The following SSTR2 variants were observed in gnomAD, a reference collection of about 807,000 sequenced individuals.
SSTR2 encodes somatostatin receptor type 2.
A neutral mutation model predicts 21.4 loss-of-function variants in SSTR2; 10 were observed. The observed-to-expected ratio is 0.47, with a 90% CI of 0.29 to 0.79. The LOEUF is 0.79. SSTR2 is among the 30% of genes least tolerant of loss of function. The probability of loss-of-function intolerance (pLI) is 0.10; values close to 1 mark genes in which losing one functional copy is unlikely to be tolerated. For synonymous variants in SSTR2, 177 were observed against 181.3 expected, an observed-to-expected ratio of 0.98 and a Z score of 0.19; for missense variants, 364 against 468.8, an observed-to-expected ratio of 0.78 and a Z score of 2.06.
chr17:73,169,174 T>G lies in SSTR2; in HGVS notation c.-92-54T>G. 4.7e-5 allele frequency: 44 copies of G among 927,878 alleles called. No homozygotes were observed. The highest frequency in any genetic ancestry group is 3.5e-4 in the Middle Eastern group (1 of 2,896). The allele number at this position is 927,878 out of a possible 1,614,324, so 57.5% of individuals were successfully genotyped here. A position where few individuals can be genotyped will look rare whatever the true frequency, so the allele number is the denominator to read the frequency against. On this transcript the variant is annotated intron_variant, in intron 1 of 1. Coordinates refer to ENST00000357585, the MANE Select transcript of SSTR2 (RefSeq NM_001050.3). This position sits in a 1 kb window ranked among gnomAD's most constrained non-coding sequence, Gnocchi z 5.2. The stretch of plus-strand genomic sequence containing the variant: ...CTAAACCAGAAATGTGTAAATTTGG[T>G]GAGACTTTAAACAGCCTGTGACCGA...
chr17:73,168,318 T>A (rs1473677672), intron 1 of SSTR2, among the ~76,000 whole-genome samples: 1 of 152,256 alleles, frequency 6.6e-6, no homozygotes, highest in Admixed American at 6.5e-5. Context: ...CTTCCCGTTT[T>A]TGTCCGTAAT....
At position 73,169,395 on chromosome 17, in the gene SSTR2, G is replaced by A; in HGVS notation, c.76G>A (p.Val26Met). Residue 26 changes from valine (V) to methionine (M), a missense_variant, in exon 2 of 2, where the codon GTG becomes ATG. Transcript: ENST00000357585. The surrounding 1 kb of genome is among the most constrained non-coding windows in gnomAD (Gnocchi z 5.2). Reference protein sequence around the residue: ...SIPFDLNGSVVSTNTSNQTEP... With the variant: ...SIPFDLNGSVMSTNTSNQTEP... ...TCCATTTGACCTCAATGGCTCTGTG[G>A]TGTCAACCAACACCTCAAACCAGAC... The A allele has an allele frequency of 1.2e-6, 2 of 1,614,224 alleles. No individual in the cohort carries two copies. Among genetic ancestry groups the A allele is most frequent in the African/African-American group, 1.3e-5 (1 of 75,068 alleles).
At chr17:73,167,563 C>G (rs2061220309) in intron 1 of SSTR2, among the ~76,000 whole-genome samples, 1 of 152,216 alleles carries the variant, frequency 6.6e-6, no homozygotes, top group African/African-American at 2.4e-5. Flanking sequence ...AACACACCAC[C>G]CTTTGAACAT....
intron 1 of SSTR2, among the ~76,000 whole-genome samples, chr17:73,167,572 A>G (rs534886108): frequency 6.6e-6 from 1 of 152,322 alleles, no homozygotes; most frequent in African/African-American, 2.4e-5. Context: ...CCCTTTGAAC[A>G]TCTCGCCTCT....
chr17:73,169,228 A>T lies in SSTR2; in HGVS notation c.-92A>T. 1 of 1,426,502 alleles carries T rather than the reference A, an allele frequency of 7.0e-7. No homozygotes were observed. Among genetic ancestry groups the T allele is most frequent in the Admixed American group, 2.5e-5 (1 of 39,406 alleles). The allele number at this position is 1,426,502 out of a possible 1,614,324, so 88.4% of individuals were successfully genotyped here. On this transcript the variant is annotated splice_region_variant and 5_prime_UTR_variant, in exon 2 of 2. It removes an upstream start codon present in the reference 5' UTR. Coordinates refer to ENST00000357585, the MANE Select transcript of SSTR2 (RefSeq NM_001050.3). The surrounding 1 kb of genome is among the most constrained non-coding windows in gnomAD (Gnocchi z 5.2). ...GCCAATCTTCCTCTTTTCCTTCCAG[A>T]TGTCACACTGGATCCTTGGCCTCCA...
At chr17:73,167,739 G>A (rs1213279984) in intron 1 of SSTR2, among the ~76,000 whole-genome samples, 1 of 152,068 alleles carries the variant, frequency 6.6e-6, no homozygotes, top group Admixed American at 6.5e-5. Context: ...CACCCTATAT[G>A]AGCTGGCTTC....
Position 73,169,910 on chromosome 17 carries a change from G to C in SSTR2, c.591G>C (p.Trp197Cys), listed in dbSNP as rs778301787. Residue 197 changes from tryptophan to cysteine, a missense_variant, in exon 2 of 2, where the codon TGG becomes TGC. Physicochemically the swap from Trp to Cys is radical, Grantham distance 215 (BLOSUM62 -2). Coordinates refer to ENST00000357585, the MANE Select transcript of SSTR2 (RefSeq NM_001050.3). This position sits in a 1 kb window ranked among gnomAD's most constrained non-coding sequence, Gnocchi z 5.2. The part of the protein sequence containing the change: ...QWGRSSCTIN[W>C]PGESGAWYTG... Reference sequence around the variant, plus strand: ...GGAGAAGCAGCTGCACCATCAACTGGCCAGGTGAATCTGGGGCTTGGTACA... The same window carrying C: ...GGAGAAGCAGCTGCACCATCAACTGCCCAGGTGAATCTGGGGCTTGGTACA... The C allele has an allele frequency of 7.5e-6, 12 of 1,609,416 alleles. No individual in the cohort carries two copies. The South Asian group carries it at 1.2e-4, about 16-fold the overall frequency.
At position 73,169,665 on chromosome 17, in the gene SSTR2, C is replaced by A; in HGVS notation, c.346C>A (p.Arg116=). The A allele has an allele frequency of 6.2e-7, 1 of 1,614,232 alleles. No homozygotes were observed. The highest frequency in any genetic ancestry group is 1.1e-5 in the South Asian group (1 of 91,084). ...VHWPFGKAIC[R]VVMTVDGINQ... is the part of the protein sequence containing the mutation. ...CTGGCCCTTTGGCAAGGCCATTTGCCGGGTGGTCATGACTGTGGATGGCAT... is the reference window on the plus strand; with the variant it reads ...CTGGCCCTTTGGCAAGGCCATTTGCAGGGTGGTCATGACTGTGGATGGCAT... Residue 116 remains arginine, a synonymous_variant, in exon 2 of 2, where the codon CGG becomes AGG. Transcript: ENST00000357585. The surrounding 1 kb of genome is among the most constrained non-coding windows in gnomAD (Gnocchi z 5.2).
chr17:73,166,204 G>A (rs1479117742), intron 1 of SSTR2, among the ~76,000 whole-genome samples: 8 of 152,274 alleles, frequency 5.3e-5, no homozygotes, highest in African/African-American at 1.7e-4. Flanking sequence ...AGGCGCTCAC[G>A]CGCCGCGGTG....
rs2145073229 is a variant in SSTR2 at position 73,173,838 on chromosome 17, C to G, written c.*3409C>G. On this transcript the variant is annotated 3_prime_UTR_variant, in exon 2 of 2. Transcript: ENST00000357585. The stretch of plus-strand genomic sequence containing the variant: ...GGTAATACTGGACGTGTAGATGAAG[C>G]TTTAGCAGGGCTGGGCACGGTGGCT... 1 of 152,104 alleles carries G rather than the reference C, an allele frequency of 6.6e-6. No homozygotes were observed. The highest frequency in any genetic ancestry group is 3.4e-3 in the Middle Eastern group (1 of 296). The allele number at this position is 152,104 out of a possible 1,614,324, so 9.4% of individuals were successfully genotyped here. A position where few individuals can be genotyped will look rare whatever the true frequency, so the allele number is the denominator to read the frequency against.
rs751036354 is a variant in SSTR2 at position 73,170,288 on chromosome 17, C to T, written c.969C>T (p.Phe323=). 2.5e-6 allele frequency: 4 copies of T among 1,613,846 alleles called. No homozygotes were observed. Among genetic ancestry groups the T allele is most frequent in the Non-Finnish European group, 3.4e-6 (4 of 1,180,016 alleles). The change falls in exon 2 of 2, where the codon TTC becomes TTT. Residue 323 remains phenylalanine (F), a synonymous_variant. Transcript: ENST00000357585. ...TGTCTGACAACTTCAAGAAGAGCTT[C>T]CAGAATGTCCTCTGCTTGGTCAAGG... ...AFLSDNFKKS[F]QNVLCLVKVS...
In SSTR2 at chr17:73,169,357, C is replaced by T. The variant is rs1050422261; in HGVS notation, c.38C>T (p.Thr13Ile). 9 of 1,613,706 alleles carry T rather than the reference C, an allele frequency of 5.6e-6. No individual in the cohort carries two copies. Among genetic ancestry groups the T allele is most frequent in the East Asian group, 2.2e-5 (1 of 44,898 alleles). Residue 13 changes from threonine (T) to isoleucine (I), a missense_variant, in exon 2 of 2, where the codon ACA becomes ATA. Transcript: ENST00000357585. The surrounding 1 kb of genome is among the most constrained non-coding windows in gnomAD (Gnocchi z 5.2). ...GATGAGCCACTCAATGGAAGCCACA[C>T]ATGGCTATCCATTCCATTTGACCTC... ...MADEPLNGSH[T>I]WLSIPFDLNG...
chr17:73,166,226 CT>C (rs2061215778), intron 1 of SSTR2, among the ~76,000 whole-genome samples: 1 of 152,244 alleles, frequency 6.6e-6, no homozygotes, highest in South Asian at 2.1e-4. Context: ...CCCTCAGGGG[CT>C]TTTGTCACCC....
At chr17:73,168,407 C>T (rs187782015) in intron 1 of SSTR2, among the ~76,000 whole-genome samples, 3 of 152,204 alleles carry the variant, frequency 2.0e-5, no homozygotes, top group African/African-American at 7.2e-5. Flanking sequence ...GGAAAGAGCT[C>T]TTGAGGAAGT....
At position 73,176,482 on chromosome 17, in the gene SSTR2, G is replaced by A. The variant is rs937317147; in HGVS notation, c.*6053G>A. 3.0e-4 allele frequency: 45 copies of A among 152,070 alleles called. No homozygotes were observed. The highest frequency in any genetic ancestry group is 1.0e-3 in the African/African-American group (42 of 41,398). 9.4% of individuals were successfully genotyped at this position (152,070 alleles called of 1,614,324 possible). ...TCACGAGATCTGATGGTTTTATAAG[G>A]GGCTTTCCCCCTCCTTCGCTCTGCA... On this transcript the variant is annotated 3_prime_UTR_variant, in exon 2 of 2. Coordinates refer to ENST00000357585, the MANE Select transcript of SSTR2 (RefSeq NM_001050.3).
In SSTR2 at chr17:73,172,746, T is replaced by C. The variant is rs1248167037; in HGVS notation, c.*2317T>C. The C allele has an allele frequency of 3.9e-5, 6 of 152,206 alleles. No individual in the cohort carries two copies. The highest frequency in any genetic ancestry group is 7.2e-5 in the African/African-American group (3 of 41,448). The allele number at this position is 152,206 out of a possible 1,614,324, so 9.4% of individuals were successfully genotyped here. On this transcript the variant is annotated 3_prime_UTR_variant, in exon 2 of 2. Coordinates refer to ENST00000357585, the MANE Select transcript of SSTR2 (RefSeq NM_001050.3). The stretch of plus-strand genomic sequence containing the variant: ...CCATGTTTAGCGAAGTGTGATTTTT[T>C]TTTTTAAACAAAAACAAGCAAAGAT...
rs1028356453 is a variant in SSTR2, at chr17:73,174,897, A to C, written c.*4468A>C. 2 of 152,980 alleles carry C rather than the reference A, an allele frequency of 1.3e-5. No individual in the cohort carries two copies. The highest frequency in any genetic ancestry group is 4.8e-5 in the African/African-American group (2 of 41,460). The allele number at this position is 152,980 out of a possible 1,614,324, so 9.5% of individuals were successfully genotyped here. On this transcript the variant is annotated 3_prime_UTR_variant, in exon 2 of 2. Transcript: ENST00000357585. The stretch of plus-strand genomic sequence containing the variant: ...AATTCTTTACTGTAGAACAGCTCAA[A>C]ATATCAGTTCTGTTTTAAGTAACAG...
Position 73,169,463 on chromosome 17 carries a change from C to T in SSTR2, c.144C>T (p.Phe48=). The change falls in exon 2 of 2, where the codon TTC becomes TTT. Residue 48 remains phenylalanine, a synonymous_variant. Transcript: ENST00000357585. The surrounding 1 kb of genome is among the most constrained non-coding windows in gnomAD (Gnocchi z 5.2). ...TGACAAGCAATGCAGTCCTCACATT[C>T]ATCTATTTTGTGGTCTGCATCATTG... is the stretch of plus-strand genomic sequence containing the variant. The part of the protein sequence containing the change: ...YDLTSNAVLT[F]IYFVVCIIGL... The T allele has an allele frequency of 6.2e-7, 1 of 1,614,240 alleles. No individual in the cohort carries two copies. Among genetic ancestry groups the T allele is most frequent in the Non-Finnish European group, 8.5e-7 (1 of 1,180,050 alleles).
rs1568285920 is a variant in SSTR2, at chr17:73,169,504, C to T, written c.185C>T (p.Thr62Ile). 1.2e-6 allele frequency: 2 copies of T among 1,614,270 alleles called. No homozygotes were observed. Among genetic ancestry groups the T allele is most frequent in the Non-Finnish European group, 1.7e-6 (2 of 1,180,048 alleles). Reference protein sequence around the residue: ...VVCIIGLCGNTLVIYVILRYA... With the variant: ...VVCIIGLCGNILVIYVILRYA... ...TGCATCATTGGGTTGTGTGGCAACA[C>T]ACTTGTCATTTATGTCATCCTCCGC... The change falls in exon 2 of 2, where the codon ACA becomes ATA. Residue 62 changes from threonine (T) to isoleucine (I), a missense_variant. Physicochemically the swap from Thr to Ile is moderately conservative, Grantham distance 89 (BLOSUM62 -1). Around this residue, in one of 4 missense-constraint regions of SSTR2, gnomAD observed 75 missense variants for 75.4 expected, o/e 0.99. Coordinates refer to ENST00000357585, the MANE Select transcript of SSTR2 (RefSeq NM_001050.3). This position sits in a 1 kb window ranked among gnomAD's most constrained non-coding sequence, Gnocchi z 5.2.
Sources: gnomAD v4.1 joint callset for allele counts (sites outside exome capture counted in the v4.1 genomes callset) on GRCh38, gnomAD v4.1.1 for gene constraint, gnomAD v4.1.1 regional missense constraint, Gnocchi (gnomAD v3.1) non-coding constraint, MANE v1.5 for transcripts, NCBI Gene and HGNC (gene_info 2026-07-23, HGNC 2026-07-21) for gene names.